The following JAKMIP3 variants were observed in gnomAD, a reference collection of about 807,000 sequenced individuals.
The protein encoded by JAKMIP3 is janus kinase and microtubule-interacting protein 3.
JAKMIP3 carries 58 observed loss-of-function variants against 118.5 expected under a neutral mutation model. The observed-to-expected ratio is 0.49, with a 90% CI of 0.40 to 0.61. The LOEUF (loss-of-function observed/expected upper bound fraction) is 0.61. Ranked by LOEUF, JAKMIP3 falls within the 20% of genes least tolerant of loss-of-function variation. The pLI is 0.00. For missense variants in JAKMIP3, 950 were observed against 1,109.0 expected (o/e 0.86, Z 2.04); for synonymous variants, 486 against 451.2 (o/e 1.08, Z -0.98).
At position 132,082,317 on chromosome 10, in the gene JAKMIP3, G is replaced by A. The variant is rs529595656; in HGVS notation, c.-138+16256G>A. Among the ~76,000 whole-genome samples, 3 of 151,802 alleles carry A rather than the reference G, an allele frequency of 2.0e-5. No individual in the cohort carries two copies. The East Asian group carries it at 5.8e-4, about 29-fold the overall frequency. On this transcript the variant is annotated intron_variant, in intron 1 of 23. Coordinates refer to ENST00000684848, the MANE Select transcript of JAKMIP3 (RefSeq NM_001323087.2). Reference sequence around the variant, plus strand: ...TTTAGCGGTGATTTGTGAGATTTTGGTGCACCCGTCACTCAAGCAGTATAC... The same window carrying A: ...TTTAGCGGTGATTTGTGAGATTTTGATGCACCCGTCACTCAAGCAGTATAC...
At chr10:132,064,586 C>A (rs2038560992), upstream of JAKMIP3, among the ~76,000 whole-genome samples, 1 of 152,228 alleles carries the variant, frequency 6.6e-6, no homozygotes. This position sits in a 1 kb window ranked among gnomAD's most constrained non-coding sequence, Gnocchi z 4.4. Context: ...GGCGCTCCAG[C>A]CTCCTCCCCT....
At chr10:132,136,359 G>C (rs2051770086) in intron 6 of JAKMIP3, among the ~76,000 whole-genome samples, 2 of 152,228 alleles carry the variant, frequency 1.3e-5, no homozygotes. Flanking sequence ...CCTGGAACAG[G>C]TGGCCTCCAA....
rs772637140 is a variant in JAKMIP3, at chr10:132,112,286, C to G, written c.136-4791C>G. ...GGCACACGGGCCTCAGGTGTGGGAG[C>G]GGGGTCTCCGGGTGGTGGGAGATGC... On this transcript the variant is annotated intron_variant, in intron 2 of 23. Coordinates refer to ENST00000684848, the MANE Select transcript of JAKMIP3 (RefSeq NM_001323087.2). The surrounding 1 kb of genome is among the most constrained non-coding windows in gnomAD (Gnocchi z 4.3). Among the ~76,000 whole-genome samples the G allele has an allele frequency of 6.6e-6, 1 of 151,778 alleles. No homozygotes were observed. The highest frequency in any genetic ancestry group is 1.5e-5 in the Non-Finnish European group (1 of 67,900).
At chr10:132,150,527 A>G (rs1319313778) in intron 16 of JAKMIP3, among the ~76,000 whole-genome samples, 1 of 152,142 alleles carries the variant, frequency 6.6e-6, no homozygotes, top group Admixed American at 6.5e-5. Flanking sequence ...TCATCCGCCC[A>G]TTACTAATCC....
intron 1 of JAKMIP3, among the ~76,000 whole-genome samples, chr10:132,070,676 C>T (rs1450908024): frequency 6.6e-6 from 1 of 152,182 alleles, no homozygotes; most frequent in African/African-American, 2.4e-5. Flanking sequence ...TTTCAGTTTT[C>T]ACAGATGCTT....
Position 132,140,527 on chromosome 10 carries a change from A to T in JAKMIP3, c.1421A>T (p.Gln474Leu). ...LESDGSSVSY[Q>L]TDRTDQTPCT... ...TCCGACGGCTCCTCCGTCTCTTACC[A>T]AACAGACAGGACGGACCAGACCCCG... The change falls in exon 10 of 24, where the codon CAA becomes CTA. Residue 474 changes from glutamine (Q) to leucine (L), a missense_variant. Gln to Leu is a moderately radical substitution (Grantham distance 113). Transcript: ENST00000684848. The T allele has an allele frequency of 6.2e-7, 1 of 1,613,726 alleles. No individual in the cohort carries two copies. Among genetic ancestry groups the T allele is most frequent in the Non-Finnish European group, 8.5e-7 (1 of 1,179,784 alleles).
chr10:132,166,602 C>T (rs1156490592), intron 21 of JAKMIP3, among the ~76,000 whole-genome samples: 2 of 152,156 alleles, frequency 1.3e-5, no homozygotes, highest in South Asian at 2.1e-4. Context: ...TTATTATTAC[C>T]CCATTGGTGC....
intron 11 of JAKMIP3, 57 bp downstream of exon 11, chr10:132,142,105 C>T (rs1379323654): frequency 2.0e-5 from 30 of 1,527,912 alleles, no homozygotes; most frequent in East Asian, 1.2e-4. Context: ...CGCTTGACCC[C>T]GTGGCCTGGG....
intron 9 of JAKMIP3, among the ~76,000 whole-genome samples, chr10:132,139,396 A>ATGTGAGTGTGTATG (rs1420729079): frequency 6.1e-5 from 7 of 113,996 alleles, no homozygotes; most frequent in Non-Finnish European, 1.2e-4. Context: ...GTGTATGAGT[A>ATGTGAGTGTGTATG]TGTGAGTGTG....
intron 1 of JAKMIP3, among the ~76,000 whole-genome samples, chr10:132,042,039 G>A (rs576220785): frequency 1.1e-3 from 167 of 152,022 alleles, no homozygotes; most frequent in Middle Eastern, 6.8e-3. Context: ...GCTAATTTTT[G>A]TATTTTTAAT....
Position 132,152,963 on chromosome 10 carries a change from G to T in JAKMIP3, c.2013G>T (p.Leu671=). 6.2e-7 allele frequency: 1 copy of T among 1,605,604 alleles called. No individual in the cohort carries two copies. The highest frequency in any genetic ancestry group is 1.1e-5 in the South Asian group (1 of 88,974). The change falls in exon 17 of 24, where the codon CTG becomes CTT. Residue 671 remains leucine, a synonymous_variant. Transcript: ENST00000684848. ...TGTTCTGCTTTTGGGTGCAGAACCTGACCAATGAGGAGCAGGTGGTTGTCA... is the reference window on the plus strand; with the variant it reads ...TGTTCTGCTTTTGGGTGCAGAACCTTACCAATGAGGAGCAGGTGGTTGTCA... ...DILGDNAVSN[L]TNEEQVVVIQ...
chr10:132,136,148 C>T (rs774278272), intron 6 of JAKMIP3, 72 bp downstream of exon 6: 46 of 1,523,220 alleles, frequency 3.0e-5, no homozygotes, highest in South Asian at 3.5e-5. Flanking sequence ...CCCTTCTCCA[C>T]GCAAGATTTA....
chr10:132,058,934 C>T (rs767636610), intron 1 of JAKMIP3, among the ~76,000 whole-genome samples: 11 of 152,240 alleles, frequency 7.2e-5, no homozygotes, highest in Non-Finnish European at 1.2e-4. Context: ...GGTCATCCTT[C>T]GCATCGCGTC....
At chr10:132,057,792 G>GT (rs1165970566) in intron 1 of JAKMIP3, among the ~76,000 whole-genome samples, 1 of 152,224 alleles carries the variant, frequency 6.6e-6, no homozygotes, top group Non-Finnish European at 1.5e-5. Context: ...GCTGTCTCCA[G>GT]TGCCGTCCTG....
chr10:132,150,122 C>A, intron 16 of JAKMIP3, 81 bp downstream of exon 16: 1 of 1,154,128 alleles, frequency 8.7e-7, no homozygotes, highest in Non-Finnish European at 1.2e-6. Flanking sequence ...GGAGGCCCTG[C>A]CAGCCTCCCA....
In JAKMIP3 at chr10:132,180,760, C is replaced by CGTGT. The variant is rs1205299432; in HGVS notation, c.*1104-1591_*1104-1588dup. Among the ~76,000 whole-genome samples, 66 of 14,732 alleles carry CGTGT rather than the reference C, an allele frequency of 4.5e-3. 12 individuals are homozygous for CGTGT. The highest frequency in any genetic ancestry group is 0.026 in the African/African-American group (63 of 2,404). The allele number at this position is 14,732 out of a possible 152,430, so 9.7% of individuals were successfully genotyped here. ...GTGCGTGCGTGCGCGCGCGTGTGTG[C>CGTGT]GTGTGTGTGCGTGTGTGTGTGTGCG... On this transcript the variant is annotated intron_variant, in intron 23 of 23. Coordinates refer to ENST00000684848, the MANE Select transcript of JAKMIP3 (RefSeq NM_001323087.2).
chr10:132,145,382 T>G, intron 12 of JAKMIP3, 136 bp from the exon 13 acceptor site: 1 of 961,624 alleles, frequency 1.0e-6, no homozygotes, highest in Admixed American at 2.4e-5. Context: ...CCCGGCTAAT[T>G]TTTGTATTTT....
At chr10:132,134,806 G>T (rs1028388045) in intron 4 of JAKMIP3, among the ~76,000 whole-genome samples, 6 of 152,252 alleles carry the variant, frequency 3.9e-5, no homozygotes, top group African/African-American at 1.4e-4. Flanking sequence ...AAATAGTTGT[G>T]TGTGAGGTAG....
chr10:132,037,683 G>A (rs1055107378), intron 1 of JAKMIP3, among the ~76,000 whole-genome samples: 1 of 152,220 alleles, frequency 6.6e-6, no homozygotes, highest in South Asian at 2.1e-4. Context: ...GGGCTGCTCT[G>A]CTGACCCCTT....
Sources: gnomAD v4.1 joint callset for allele counts (sites outside exome capture counted in the v4.1 genomes callset) on GRCh38, gnomAD v4.1.1 for gene constraint, Gnocchi (gnomAD v3.1) non-coding constraint, MANE v1.5 for transcripts, NCBI Gene and HGNC (gene_info 2026-07-23, HGNC 2026-07-21) for gene names.